The following MAP2K5 variants were observed in gnomAD, a reference collection of about 807,000 sequenced individuals.
MAP2K5 encodes the protein mitogen-activated protein kinase kinase 5.
Under a neutral mutation model 83.1 loss-of-function variants are expected in MAP2K5, and 49 were observed. That is an observed-to-expected ratio of 0.59 (90% CI 0.47 to 0.75). MAP2K5 has a LOEUF of 0.75. Ranked by LOEUF, MAP2K5 falls within the 30% of genes least tolerant of loss-of-function variation. The pLI is 0.00. For missense variants in MAP2K5, 457 were observed against 557.5 expected, an observed-to-expected ratio of 0.82 and a Z score of 1.82; for synonymous variants, 202 against 191.8, an observed-to-expected ratio of 1.05 and a Z score of -0.44.
At position 67,757,802 on chromosome 15, in the gene MAP2K5, G is replaced by T. The variant is rs2089869362; in HGVS notation, c.1134+9201G>T. ...TATTTACGATATGGTATTTAATGAT[G>T]TTTGTAGCCATATAAATTCTATAAT... On this transcript the variant is annotated intron_variant, in intron 19 of 21. Coordinates refer to ENST00000178640, the MANE Select transcript of MAP2K5 (RefSeq NM_145160.3). The surrounding 1 kb of genome is among the most constrained non-coding windows in gnomAD (Gnocchi z 4.9). 6.6e-6 allele frequency among the ~76,000 whole-genome samples: 1 copy of T among 152,150 alleles called. No homozygotes were observed. Among genetic ancestry groups the T allele is most frequent in the Admixed American group, 6.5e-5 (1 of 15,278 alleles).
chr15:67,629,955 A>T (rs2086428407), intron 8 of MAP2K5, among the ~76,000 whole-genome samples: 1 of 152,232 alleles, frequency 6.6e-6, no homozygotes, highest in South Asian at 2.1e-4. Flanking sequence ...TCATTTAAAC[A>T]TAAAAGGTAC....
chr15:67,628,999 T>A, intron 8 of MAP2K5: 1 of 757,336 alleles, frequency 1.3e-6, no homozygotes, highest in Admixed American at 1.7e-5. Flanking sequence ...TTCAGACCCG[T>A]GAAGGGAGGA....
rs1183767610 is a variant in MAP2K5, at chr15:67,802,644, A to C, written c.1243-4002A>C. On this transcript the variant is annotated intron_variant, in intron 21 of 21. Transcript: ENST00000178640. The surrounding 1 kb of genome is among the most constrained non-coding windows in gnomAD (Gnocchi z 5.0). ...CCTGGCACTGCCAGGTTCCACAGAC[A>C]TGGCTGTGCAGAAATGGTGCTAACA... Among the ~76,000 whole-genome samples, 1 of 152,242 alleles carries C rather than the reference A, an allele frequency of 6.6e-6. No individual in the cohort carries two copies. Among genetic ancestry groups the C allele is most frequent in the Non-Finnish European group, 1.5e-5 (1 of 68,044 alleles).
At chr15:67,666,889 T>C (rs1317354850) in intron 13 of MAP2K5, among the ~76,000 whole-genome samples, 17 of 152,206 alleles carry the variant, frequency 1.1e-4, no homozygotes. Context: ...GACTAACGAA[T>C]TGCAGTGCAG....
At chr15:67,787,009 G>C (rs1057504554) in intron 21 of MAP2K5, among the ~76,000 whole-genome samples, 4 of 152,176 alleles carry the variant, frequency 2.6e-5, no homozygotes, top group Admixed American at 6.5e-5. Flanking sequence ...GGAAATGATG[G>C]GGTAAAGTTA....
rs1386100486 is a variant in MAP2K5 at position 67,555,367 on chromosome 15, A to T, written c.184+5285A>T. On this transcript the variant is annotated intron_variant, in intron 2 of 21. Transcript: ENST00000178640. The surrounding 1 kb of genome is among the most constrained non-coding windows in gnomAD (Gnocchi z 5.2). ...GAGAACCCACTACCATAGAGAGGGC[A>T]CTGAGTCATTCATGGGGGATCCACC... is the stretch of plus-strand genomic sequence containing the variant. Among the ~76,000 whole-genome samples, 22 of 152,178 alleles carry T rather than the reference A, an allele frequency of 1.4e-4. No individual in the cohort carries two copies. The highest frequency in any genetic ancestry group is 2.9e-5 in the Non-Finnish European group (2 of 68,032).
In MAP2K5 at chr15:67,753,020, A is replaced by G. The variant is rs951953984; in HGVS notation, c.1134+4419A>G. Among the ~76,000 whole-genome samples the G allele has an allele frequency of 4.6e-5, 7 of 152,352 alleles. 1 individual carries two copies. In the Middle Eastern group the frequency reaches 0.017, roughly 370 times the overall value. On this transcript the variant is annotated intron_variant, in intron 19 of 21. Coordinates refer to ENST00000178640, the MANE Select transcript of MAP2K5 (RefSeq NM_145160.3). The stretch of plus-strand genomic sequence containing the variant: ...AGGATAGACATACGGAATAGAATTC[A>G]AAGTCCAGAAATAAACTTATATATG...
intron 2 of MAP2K5, among the ~76,000 whole-genome samples, chr15:67,553,651 C>T (rs377372934): frequency 1.3e-5 from 2 of 152,064 alleles, no homozygotes; most frequent in African/African-American, 2.4e-5. Flanking sequence ...TGGTGGCTCA[C>T]GCCTGTAATC....
rs1262252330 is a variant in MAP2K5 at position 67,668,075 on chromosome 15, A to G, written c.847+3430A>G. ...CAGCAGTTGCTATTCATAATGGATC[A>G]TCAAATGTTATATTCAGTCAGGTGT... On this transcript the variant is annotated intron_variant, in intron 13 of 21. Coordinates refer to ENST00000178640, the MANE Select transcript of MAP2K5 (RefSeq NM_145160.3). The surrounding 1 kb of genome is among the most constrained non-coding windows in gnomAD (Gnocchi z 4.0). Among the ~76,000 whole-genome samples the G allele has an allele frequency of 2.0e-5, 3 of 152,220 alleles. No homozygotes were observed. Among genetic ancestry groups the G allele is most frequent in the African/African-American group, 7.2e-5 (3 of 41,470 alleles).
chr15:67,600,393 T>G (rs2085628678), intron 7 of MAP2K5, among the ~76,000 whole-genome samples: 1 of 152,232 alleles, frequency 6.6e-6, no homozygotes, highest in South Asian at 2.1e-4. Flanking sequence ...TTCTTATCAG[T>G]ATCTCTGACC....
chr15:67,658,660 T>G (rs147441072), intron 12 of MAP2K5, 46 bp downstream of exon 12: 1 of 1,453,492 alleles, frequency 6.9e-7, no homozygotes, highest in East Asian at 2.3e-5. Context: ...GATTTAATCC[T>G]TCTAATCAAG....
intron 8 of MAP2K5, among the ~76,000 whole-genome samples, chr15:67,607,338 CTCCT>C (rs771109633): frequency 2.0e-5 from 3 of 152,156 alleles, no homozygotes; most frequent in Non-Finnish European, 4.4e-5. Context: ...GTTTCCTTCT[CTCCT>C]TCTCTCAGCA....
At position 67,750,946 on chromosome 15, in the gene MAP2K5, G is replaced by A. The variant is rs143145748; in HGVS notation, c.1134+2345G>A. On this transcript the variant is annotated intron_variant, in intron 19 of 21. Coordinates refer to ENST00000178640, the MANE Select transcript of MAP2K5 (RefSeq NM_145160.3). The surrounding 1 kb of genome is among the most constrained non-coding windows in gnomAD (Gnocchi z 4.2). The stretch of plus-strand genomic sequence containing the variant: ...CCTGAGGGAAGTTCAGACAAGATGG[G>A]TATATTTGGCGTCACATACAAAATA... 1.2e-4 allele frequency among the ~76,000 whole-genome samples: 19 copies of A among 152,172 alleles called. No individual in the cohort carries two copies. In the East Asian group the frequency reaches 3.7e-3, roughly 29 times the overall value.
At chr15:67,592,837 A>G (rs1020036120) in intron 6 of MAP2K5, 89 bp from the exon 7 acceptor site, 7 of 914,944 alleles carry the variant, frequency 7.7e-6, no homozygotes, top group Non-Finnish European at 1.2e-5. Context: ...CCCTATATGT[A>G]AAAGCAAAGG....
rs569552926 is a variant in MAP2K5, at chr15:67,683,155, T to C, written c.848-9324T>C. Among the ~76,000 whole-genome samples the C allele has an allele frequency of 7.9e-5, 12 of 151,558 alleles. No homozygotes were observed. In the East Asian group the frequency reaches 2.1e-3, roughly 27 times the overall value. ...AAAACTCTGTCTCAAAAAAAAAAAGTTGTAGAACTTGCATGTTTTAAATGA... is the reference window on the plus strand; with the variant it reads ...AAAACTCTGTCTCAAAAAAAAAAAGCTGTAGAACTTGCATGTTTTAAATGA... On this transcript the variant is annotated intron_variant, in intron 13 of 21. Transcript: ENST00000178640.
intron 7 of MAP2K5, among the ~76,000 whole-genome samples, chr15:67,598,957 GA>G (rs2085589725): frequency 6.6e-6 from 1 of 152,180 alleles, no homozygotes; most frequent in African/African-American, 2.4e-5. Flanking sequence ...ATTACTTAGA[GA>G]AATGTTCTAA....
intron 21 of MAP2K5, among the ~76,000 whole-genome samples, chr15:67,776,846 T>A (rs1395674347): frequency 2.0e-5 from 3 of 152,184 alleles, no homozygotes; most frequent in African/African-American, 7.2e-5. Context: ...CCCTTCACTG[T>A]GTAACCTCAG....
In MAP2K5 at chr15:67,777,701, A is replaced by G. The variant is rs2090263777; in HGVS notation, c.1242+4949A>G. On this transcript the variant is annotated intron_variant, in intron 21 of 21. Coordinates refer to ENST00000178640, the MANE Select transcript of MAP2K5 (RefSeq NM_145160.3). This position sits in a 1 kb window ranked among gnomAD's most constrained non-coding sequence, Gnocchi z 6.0. ...TTTCAGAGAAACAAGCTGGCGAAGAAATTTTCTTTATGCTGTTACTATACT... is the reference window on the plus strand; with the variant it reads ...TTTCAGAGAAACAAGCTGGCGAAGAGATTTTCTTTATGCTGTTACTATACT... Among the ~76,000 whole-genome samples, 1 of 152,228 alleles carries G rather than the reference A, an allele frequency of 6.6e-6. No homozygotes were observed. Among genetic ancestry groups the G allele is most frequent in the Admixed American group, 6.5e-5 (1 of 15,284 alleles).
chr15:67,597,094 G>A (rs371877631), intron 7 of MAP2K5, among the ~76,000 whole-genome samples: 4 of 151,694 alleles, frequency 2.6e-5, no homozygotes, highest in Admixed American at 6.6e-5. Context: ...GCGTGAACCC[G>A]GGAGGCGGAG....
Sources: gnomAD v4.1 joint callset for allele counts (sites outside exome capture counted in the v4.1 genomes callset) on GRCh38, gnomAD v4.1.1 for gene constraint, Gnocchi (gnomAD v3.1) non-coding constraint, MANE v1.5 for transcripts, NCBI Gene and HGNC (gene_info 2026-07-23, HGNC 2026-07-21) for gene names.